Variants in SLC24A4 observed in about 807,000 individuals in gnomAD.
The protein encoded by SLC24A4 is solute carrier family 24 member 4.
A neutral mutation model predicts 79.0 loss-of-function variants in SLC24A4; 53 were observed. That is an observed-to-expected ratio of 0.67 (90% CI 0.54 to 0.84). The LOEUF is 0.84. Among genes scored for constraint, SLC24A4 ranks in the 40% least tolerant of loss-of-function variants. The probability of loss-of-function intolerance (pLI) is 0.00; values close to 1 mark genes in which losing one functional copy is unlikely to be tolerated. For missense variants in SLC24A4, 731 were observed against 822.0 expected (o/e 0.89, Z 1.35); for synonymous variants, 323 against 323.8 (o/e 1.00, Z 0.03).
At chr14:92,393,385 G>A (rs539944302) in intron 2 of SLC24A4, among the ~76,000 whole-genome samples, 12 of 152,180 alleles carry the variant, frequency 7.9e-5, no homozygotes, top group African/African-American at 2.2e-4. Context: ...GGAGGTCCTG[G>A]GAGTTCCCTT....
At chr14:92,364,138 G>A (rs531351815) in intron 2 of SLC24A4, among the ~76,000 whole-genome samples, 30 of 152,300 alleles carry the variant, frequency 2.0e-4, no homozygotes, top group African/African-American at 6.7e-4. Flanking sequence ...TACTGCTTTC[G>A]TGACATAATT....
intron 12 of SLC24A4, among the ~76,000 whole-genome samples, chr14:92,456,901 A>G (rs993026595): frequency 6.6e-6 from 1 of 152,136 alleles, no homozygotes; most frequent in Non-Finnish European, 1.5e-5. Flanking sequence ...CCACACTTAA[A>G]TGTTCAGTGC....
intron 2 of SLC24A4, among the ~76,000 whole-genome samples, chr14:92,341,536 C>T (rs1003754085): frequency 5.9e-5 from 9 of 152,172 alleles, no homozygotes; most frequent in East Asian, 1.9e-4. Flanking sequence ...AGCTAAGCAT[C>T]GGCAAAGAGA....
At position 92,323,830 on chromosome 14, in the gene SLC24A4, G is replaced by C; in HGVS notation, c.-1G>C. 1 of 1,571,750 alleles carries C rather than the reference G, an allele frequency of 6.4e-7. No individual in the cohort carries two copies. The highest frequency in any genetic ancestry group is 8.6e-7 in the Non-Finnish European group (1 of 1,166,344). ...CAGAGACGGCACCCAGGCGCTCCGG[G>C]ATGGCGCTCCGCGGGACCCTCCGGC... is the stretch of plus-strand genomic sequence containing the variant. On this transcript the variant is annotated 5_prime_UTR_variant, in exon 1 of 17. Transcript: ENST00000532405. This position sits in a 1 kb window ranked among gnomAD's most constrained non-coding sequence, Gnocchi z 4.9.
chr14:92,368,906 T>C (rs368382463), intron 2 of SLC24A4, among the ~76,000 whole-genome samples: 1 of 152,030 alleles, frequency 6.6e-6, no homozygotes, highest in African/African-American at 2.4e-5. Flanking sequence ...CCATTCCAGC[T>C]CCCTCCCCCT....
At chr14:92,451,023 A>C (rs565130926) in intron 10 of SLC24A4, 1 of 152,178 alleles carries the variant, frequency 6.6e-6, no homozygotes, top group Admixed American at 6.5e-5. Context: ...TTTTCTCCCA[A>C]ATCTCTTTAA....
intron 12 of SLC24A4, among the ~76,000 whole-genome samples, chr14:92,474,904 G>T (rs548304590): frequency 3.6e-5 from 5 of 138,738 alleles, no homozygotes; most frequent in Non-Finnish European, 6.2e-5. Flanking sequence ...CACCATGTTG[G>T]CCAGGCTGGT....
rs199781252 is a variant in SLC24A4, at chr14:92,492,208, G to A, written c.1684G>A (p.Val562Met). Residue 562 changes from valine (V) to methionine (M), a missense_variant, in exon 16 of 17, where the codon GTG becomes ATG. By Grantham distance (21) the Val-to-Met change is conservative. Coordinates refer to ENST00000532405, the MANE Select transcript of SLC24A4 (RefSeq NM_153646.4). ...CAACAGCCGGGGGCTGGTCTATTCC[G>A]TGGTCCTGTTGCTGGGCTCTGTCGC... ...KINSRGLVYS[V>M]VLLLGSVALT... 40 of 1,614,012 alleles carry A rather than the reference G, an allele frequency of 2.5e-5. No homozygotes were observed. The highest frequency in any genetic ancestry group is 6.7e-5 in the East Asian group (3 of 44,892).
At chr14:92,324,009 C>G (rs765571026) in intron 1 of SLC24A4, 49 bp downstream of exon 1, 5 of 1,584,222 alleles carry the variant, frequency 3.2e-6, no homozygotes, top group Non-Finnish European at 4.3e-6. Flanking sequence ...GGGGCTTTGG[C>G]TGGGGAGTCT....
At chr14:92,446,176 G>T (rs11366476) in intron 8 of SLC24A4, among the ~76,000 whole-genome samples, 2 of 11,974 alleles carry the variant, frequency 1.7e-4, no homozygotes, top group East Asian at 5.4e-3. Context: ...TGCATTCTAT[G>T]TTTTTTTTTT....
chr14:92,388,678 G>T (rs1474995355), intron 2 of SLC24A4, among the ~76,000 whole-genome samples: 7 of 152,254 alleles, frequency 4.6e-5, no homozygotes, highest in Non-Finnish European at 4.4e-5. Context: ...GAGGGAAGGG[G>T]ACGTCAGAGA....
At chr14:92,322,856 G>C (rs527242026), upstream of SLC24A4, among the ~76,000 whole-genome samples, 2 of 152,218 alleles carry the variant, frequency 1.3e-5, no homozygotes, top group South Asian at 4.2e-4. Flanking sequence ...GCCCGGACAG[G>C]AGCGACTACA....
chr14:92,459,850 C>T (rs774498674), intron 12 of SLC24A4, among the ~76,000 whole-genome samples: 11 of 152,284 alleles, frequency 7.2e-5, no homozygotes, highest in Non-Finnish European at 1.0e-4. Context: ...GACAGAAATA[C>T]CCTGTATCCA....
chr14:92,415,632 AT>A (rs1890937801), intron 2 of SLC24A4, among the ~76,000 whole-genome samples: 1 of 151,728 alleles, frequency 6.6e-6, no homozygotes, highest in Non-Finnish European at 1.5e-5. Context: ...TAATTTTTGT[AT>A]TTTTAGTAGA....
rs183808799 is a variant in SLC24A4 at position 92,443,406 on chromosome 14, C to T, written c.589C>T (p.Arg197Cys). 1.4e-4 allele frequency: 227 copies of T among 1,614,100 alleles called. No homozygotes were observed. The highest frequency in any genetic ancestry group is 1.8e-4 in the Non-Finnish European group (211 of 1,180,002). ...VCGLFAGQVV[R>C]LTWWAVCRDS... ...GACGGGGCTCTGCTGGCAGGTGGTCCGTCTGACGTGGTGGGCCGTGTGCCG... is the reference window on the plus strand; with the variant it reads ...GACGGGGCTCTGCTGGCAGGTGGTCTGTCTGACGTGGTGGGCCGTGTGCCG... Residue 197 changes from arginine to cysteine, a missense_variant, in exon 7 of 17, where the codon CGT becomes TGT. Physicochemically the swap from Arg to Cys is radical, Grantham distance 180. Coordinates refer to ENST00000532405, the MANE Select transcript of SLC24A4 (RefSeq NM_153646.4).
In SLC24A4 at chr14:92,404,094, G is replaced by A. The variant is rs145034428; in HGVS notation, c.242-29818G>A. Reference sequence around the variant, plus strand: ...GTGTTAGAAAAGAGTAAGTCTTACTGAATTAACAGTGGCATACATAACCTC... The same window carrying A: ...GTGTTAGAAAAGAGTAAGTCTTACTAAATTAACAGTGGCATACATAACCTC... On this transcript the variant is annotated intron_variant, in intron 2 of 16. Transcript: ENST00000532405. Among the ~76,000 whole-genome samples, 211 of 152,282 alleles carry A rather than the reference G, an allele frequency of 1.4e-3. 6 individuals carry two copies. The East Asian group carries it at 0.023, about 16-fold the overall frequency.
intron 2 of SLC24A4, among the ~76,000 whole-genome samples, chr14:92,381,920 G>A (rs1888874637): frequency 6.6e-6 from 1 of 152,182 alleles, no homozygotes; most frequent in African/African-American, 2.4e-5. Context: ...GGTCATGTAT[G>A]TTCTTTAATT....
chr14:92,345,156 C>A (rs1341283027), intron 2 of SLC24A4, among the ~76,000 whole-genome samples: 1 of 152,164 alleles, frequency 6.6e-6, no homozygotes, highest in Non-Finnish European at 1.5e-5. Flanking sequence ...GTGAGGGCTA[C>A]ATTTGGCCTG....
intron 2 of SLC24A4, among the ~76,000 whole-genome samples, chr14:92,422,432 T>A (rs1891338645): frequency 6.6e-6 from 1 of 152,228 alleles, no homozygotes; most frequent in South Asian, 2.1e-4. Context: ...TCAAGTGCTG[T>A]TGAGAGCTGG....
Sources: gnomAD v4.1 joint callset for allele counts (sites outside exome capture counted in the v4.1 genomes callset) on GRCh38, gnomAD v4.1.1 for gene constraint, Gnocchi (gnomAD v3.1) non-coding constraint, MANE v1.5 for transcripts, NCBI Gene and HGNC (gene_info 2026-07-23, HGNC 2026-07-21) for gene names.